GTSF1: variants seen among roughly 807,000 people sequenced by gnomAD.
GTSF1 encodes the protein gametocyte specific factor 1, also known as gametocyte-specific factor 1.
Under a neutral mutation model 28.9 loss-of-function variants are expected in GTSF1, and 11 were observed. The ratio of observed to expected loss-of-function variants is 0.38; its 90% CI spans 0.24 to 0.63. The LOEUF is 0.63. GTSF1 is among the 30% of genes least tolerant of loss of function. GTSF1 has a pLI of 0.56. For synonymous variants in GTSF1, 69 were observed against 65.6 expected (o/e 1.05, Z -0.25); for missense variants, 146 against 201.0 (o/e 0.73, Z 1.66).
chr12:54,467,322 G>C (rs1253139904), intron 2 of GTSF1, among the ~76,000 whole-genome samples: 1 of 142,118 alleles, frequency 7.0e-6, no homozygotes, highest in East Asian at 2.1e-4. Context: ...TTTGTTTTTT[G>C]TTTTTTTTTT....
intron 1 of GTSF1, chr12:54,471,773 A>G (rs1160396750): frequency 6.6e-6 from 1 of 152,150 alleles, no homozygotes; most frequent in East Asian, 1.9e-4. Flanking sequence ...TAATCCTAGC[A>G]CTCTGGGAGG....
At chr12:54,456,295 A>C (rs1369156406) in intron 8 of GTSF1, 142 bp from the exon 9 acceptor site, 1 of 152,236 alleles carries the variant, frequency 6.6e-6, no homozygotes, top group Non-Finnish European at 1.5e-5. Flanking sequence ...TGATGGCAGA[A>C]CACCAAGTAC....
intron 2 of GTSF1, among the ~76,000 whole-genome samples, chr12:54,468,583 C>T (rs547039189): frequency 6.6e-6 from 1 of 152,288 alleles, no homozygotes; most frequent in South Asian, 2.1e-4. Context: ...ATTTGACAAG[C>T]TTCCTCTAAA....
chr12:54,463,303 G>T lies in GTSF1; in HGVS notation c.118-6C>A. ...CTTGCAACATCAGGATGATTCTGTG[G>T]AACCAAAATTAAGGGATCTGTCAGT... On this transcript the variant is annotated splice_region_variant and splice_polypyrimidine_tract_variant and intron_variant, in intron 3 of 8. Coordinates refer to ENST00000305879, the MANE Select transcript of GTSF1 (RefSeq NM_144594.3). 6.2e-7 allele frequency: 1 copy of T among 1,613,550 alleles called. No individual in the cohort carries two copies. The highest frequency in any genetic ancestry group is 1.1e-5 in the South Asian group (1 of 91,010).
At chr12:54,459,473 A>C in intron 7 of GTSF1, 1 of 1,307,024 alleles carries the variant, frequency 7.7e-7, no homozygotes, top group South Asian at 1.2e-5. Context: ...ACATTGGAAA[A>C]GAAAGTTTGT....
At chr12:54,470,211 G>C (rs2120801588) in intron 2 of GTSF1, among the ~76,000 whole-genome samples, 1 of 152,198 alleles carries the variant, frequency 6.6e-6, no homozygotes, top group East Asian at 1.9e-4. Context: ...GAAAAATTAA[G>C]GGGCAGGGGA....
chr12:54,470,892 C>G (rs557345308), intron 2 of GTSF1, among the ~76,000 whole-genome samples: 1 of 152,076 alleles, frequency 6.6e-6, no homozygotes, highest in Non-Finnish European at 1.5e-5. Context: ...ATTTCTTATC[C>G]TAAAAACTAA....
Position 54,473,305 on chromosome 12 carries a change from T to C in GTSF1, c.-30+241A>G, listed in dbSNP as rs149948049. On this transcript the variant is annotated intron_variant, in intron 1 of 8. Transcript: ENST00000305879. ...ACAAAATCACAGTAGACTTAATCAA[T>C]GAGACTAAATAAGAGAAAGTGGGGG... is the stretch of plus-strand genomic sequence containing the variant. Among the ~76,000 whole-genome samples, 444 of 151,960 alleles carry C rather than the reference T, an allele frequency of 2.9e-3. 3 individuals are homozygous for C. Among genetic ancestry groups the C allele is most frequent in the African/African-American group, 0.01 (425 of 41,432 alleles).
intron 2 of GTSF1, among the ~76,000 whole-genome samples, chr12:54,465,760 C>T (rs1035594352): frequency 3.9e-5 from 6 of 152,098 alleles, no homozygotes; most frequent in Non-Finnish European, 1.5e-5. Flanking sequence ...TTGGTAAGCA[C>T]TGCCCTATAT....
In GTSF1 at chr12:54,471,224, A is replaced by C; in HGVS notation, c.16+9T>G. On this transcript the variant is annotated intron_variant, in intron 2 of 8. Transcript: ENST00000305879. ...AACTTATTTTCTAAAAGCAACAAGG[A>C]GTACATACTGTAAGTTTCTTCCATG... 6.3e-7 allele frequency: 1 copy of C among 1,585,454 alleles called. No individual in the cohort carries two copies. Among genetic ancestry groups the C allele is most frequent in the South Asian group, 1.2e-5 (1 of 85,274 alleles).
intron 2 of GTSF1, chr12:54,467,038 T>G (rs1053555638): frequency 1.3e-5 from 2 of 149,304 alleles, no homozygotes; most frequent in Non-Finnish European, 3.0e-5. Context: ...GTGTTAAGCA[T>G]TAATATATTC....
intron 7 of GTSF1, 136 bp from the exon 8 acceptor site, chr12:54,459,261 G>C (rs1466119300): frequency 1.4e-6 from 2 of 1,415,278 alleles, no homozygotes; most frequent in Non-Finnish European, 1.9e-6. Context: ...TTTAATATTA[G>C]TAATCAGATT....
chr12:54,457,062 G>T (rs185264631), intron 8 of GTSF1, among the ~76,000 whole-genome samples: 148 of 152,292 alleles, frequency 9.7e-4, no homozygotes, highest in African/African-American at 3.4e-3. Context: ...TCCAGCCTGT[G>T]TGACAGGAGC....
intron 1 of GTSF1, chr12:54,471,870 C>CAAAACAA (rs1956598717): frequency 2.9e-5 from 1 of 35,080 alleles, no homozygotes; most frequent in Admixed American, 5.3e-4. Flanking sequence ...AACAAAACAA[C>CAAAACAA]CCCCCCCCAA....
chr12:54,468,293 G>C (rs1956549351), intron 2 of GTSF1, among the ~76,000 whole-genome samples: 1 of 151,674 alleles, frequency 6.6e-6, no homozygotes. Context: ...TTAATTTTTT[G>C]TATTTTTAGT....
intron 8 of GTSF1, among the ~76,000 whole-genome samples, chr12:54,457,525 C>T (rs543377167): frequency 1.6e-4 from 24 of 152,320 alleles, no homozygotes; most frequent in Non-Finnish European, 3.4e-4. Context: ...AGCAATCCCC[C>T]TGTCTTGGTC....
At chr12:54,457,009 C>T (rs1468573173) in intron 8 of GTSF1, among the ~76,000 whole-genome samples, 2 of 152,116 alleles carry the variant, frequency 1.3e-5, no homozygotes, top group African/African-American at 2.4e-5. Flanking sequence ...CGCTTGAACC[C>T]GGGAGGTGGA....
At chr12:54,465,536 C>T (rs1429554771) in intron 2 of GTSF1, among the ~76,000 whole-genome samples, 1 of 152,132 alleles carries the variant, frequency 6.6e-6, no homozygotes, top group East Asian at 1.9e-4. Flanking sequence ...AGCCTCCCAA[C>T]CAGTATGCTG....
chr12:54,460,298 G>T, intron 7 of GTSF1, 79 bp downstream of exon 7: 1 of 1,059,932 alleles, frequency 9.4e-7, no homozygotes, highest in Non-Finnish European at 1.5e-6. Flanking sequence ...TGTTCAGACT[G>T]AACACATCTG....
Sources: gnomAD v4.1 joint callset for allele counts (sites outside exome capture counted in the v4.1 genomes callset) on GRCh38, gnomAD v4.1.1 for gene constraint, MANE v1.5 for transcripts, NCBI Gene and HGNC (gene_info 2026-07-23, HGNC 2026-07-21) for gene names.